Variants in DENND10 observed in about 807,000 individuals in gnomAD.
DENND10 encodes the protein DENN domain-containing protein 10.
In DENND10, 24 loss-of-function variants were observed where a neutral mutation model predicts 43.6. That is an observed-to-expected ratio of 0.55 (90% CI 0.40 to 0.77). The LOEUF (loss-of-function observed/expected upper bound fraction) is 0.77. Ranked by LOEUF, DENND10 falls within the 30% of genes least tolerant of loss-of-function variation. The pLI is 0.00. For missense variants in DENND10, 303 were observed against 429.9 expected (o/e 0.70, Z 2.61); for synonymous variants, 125 against 157.6 (o/e 0.79, Z 1.55).
chr10:119,135,814 A>AAAAAAAAAAAC (rs1846322519), intron 8 of DENND10, among the ~76,000 whole-genome samples: 1 of 150,154 alleles, frequency 6.7e-6, no homozygotes, highest in African/African-American at 2.4e-5. Context: ...AAAAAAAAAA[A>AAAAAAAAAAAC]AACCAAAACC....
At chr10:119,120,200 A>G (rs986093590) in intron 4 of DENND10, 141 bp from the exon 5 acceptor site, 10 of 534,960 alleles carry the variant, frequency 1.9e-5, no homozygotes, top group East Asian at 7.0e-5. Context: ...GTGAGCAACT[A>G]TCTTGCCACT....
chr10:119,130,392 T>C (rs1310474432), intron 7 of DENND10, among the ~76,000 whole-genome samples: 1 of 152,174 alleles, frequency 6.6e-6, no homozygotes, highest in Non-Finnish European at 1.5e-5. Flanking sequence ...ACTCCTGACT[T>C]CATGATCTGC....
chr10:119,117,331 C>T (rs995185342), intron 3 of DENND10, among the ~76,000 whole-genome samples, 188 bp from the exon 4 acceptor site: 11 of 151,862 alleles, frequency 7.2e-5, no homozygotes, highest in African/African-American at 2.7e-4. Context: ...AAGATTGCAC[C>T]GTTGCACTCC....
intron 5 of DENND10, 53 bp from the exon 6 acceptor site, chr10:119,123,414 TGA>T: frequency 7.7e-7 from 1 of 1,292,794 alleles, no homozygotes; most frequent in Non-Finnish European, 1.1e-6. Flanking sequence ...GGGGGCAGGC[TGA>T]GTCTTTAAGG....
At chr10:119,117,486 A>C in intron 3 of DENND10, 33 bp from the exon 4 acceptor site, 1 of 1,603,794 alleles carries the variant, frequency 6.2e-7, no homozygotes, top group South Asian at 1.1e-5. Flanking sequence ...GTGCCAAATG[A>C]AATCACAGTT....
intron 5 of DENND10, 76 bp from the exon 6 acceptor site, chr10:119,123,393 G>T: frequency 2.9e-6 from 3 of 1,047,794 alleles, no homozygotes; most frequent in South Asian, 2.6e-5. Context: ...TCCTTCTCAG[G>T]AAGAGGAGAA....
chr10:119,119,333 G>T (rs968610341), intron 4 of DENND10, among the ~76,000 whole-genome samples: 8 of 152,002 alleles, frequency 5.3e-5, no homozygotes, highest in African/African-American at 1.4e-4. Flanking sequence ...GTAGAGATGG[G>T]GTTTCACCAT....
chr10:119,135,130 A>G (rs1264735173), intron 8 of DENND10: 2 of 149,598 alleles, frequency 1.3e-5, no homozygotes, highest in African/African-American at 4.9e-5. Context: ...GTGCCATTGC[A>G]CTCCAGCCTG....
In DENND10 at chr10:119,107,812, A is replaced by C. The variant is rs112023335; in HGVS notation, c.56-156A>C. 35 of 678,796 alleles carry C rather than the reference A, an allele frequency of 5.2e-5. 2 individuals are homozygous for C. The African/African-American group carries it at 6.1e-4, about 12-fold the overall frequency. The allele number at this position is 678,796 out of a possible 1,614,324, so 42.0% of individuals were successfully genotyped here. A position where few individuals can be genotyped will look rare whatever the true frequency, so the allele number is the denominator to read the frequency against. On this transcript the variant is annotated intron_variant, in intron 1 of 8. Coordinates refer to ENST00000361432, the MANE Select transcript of DENND10 (RefSeq NM_207009.4). ...ATCATGACAGCTAGATAATTTGAGC[A>C]GTAGAGATAGGTGGGAATTTGGGGT...
chr10:119,126,282 T>C (rs1256668139), intron 6 of DENND10, among the ~76,000 whole-genome samples: 1 of 152,222 alleles, frequency 6.6e-6, no homozygotes, highest in Non-Finnish European at 1.5e-5. Context: ...TGGTATCTCT[T>C]TGATACACTG....
intron 6 of DENND10, among the ~76,000 whole-genome samples, chr10:119,126,427 A>G (rs1845835846): frequency 6.6e-6 from 1 of 152,146 alleles, no homozygotes; most frequent in Admixed American, 6.6e-5. Flanking sequence ...CCAACAGTGT[A>G]CGAGAGTTCT....
intron 2 of DENND10, among the ~76,000 whole-genome samples, chr10:119,111,361 A>G (rs1273582053): frequency 6.6e-6 from 1 of 151,742 alleles, no homozygotes; most frequent in African/African-American, 2.4e-5. Context: ...CTGTAATCCC[A>G]GCTACTTAAG....
intron 6 of DENND10, among the ~76,000 whole-genome samples, chr10:119,125,208 G>A (rs535349384): frequency 2.8e-4 from 42 of 151,980 alleles, no homozygotes; most frequent in Non-Finnish European, 5.1e-4. Flanking sequence ...CTTACCTTAG[G>A]TGATCCACCC....
At chr10:119,104,518 G>A (rs1844588613) in intron 1 of DENND10, among the ~76,000 whole-genome samples, 2 of 150,308 alleles carry the variant, frequency 1.3e-5, no homozygotes, top group South Asian at 4.1e-4. Flanking sequence ...GACGTCGAGC[G>A]CTCCCAGGCT....
intron 6 of DENND10, 122 bp from the exon 7 acceptor site, chr10:119,129,393 A>G (rs1198052274): frequency 1.5e-6 from 1 of 664,114 alleles, no homozygotes; most frequent in Non-Finnish European, 2.7e-6. Context: ...GGGTACAGCT[A>G]ATGTTCCCGA....
chr10:119,130,267 T>G (rs1454667953), intron 7 of DENND10, among the ~76,000 whole-genome samples: 1 of 152,148 alleles, frequency 6.6e-6, no homozygotes, highest in Non-Finnish European at 1.5e-5. Flanking sequence ...TTCAAGTGAT[T>G]CTCCTGCCTC....
chr10:119,126,944 G>A (rs1257650659), intron 6 of DENND10, among the ~76,000 whole-genome samples: 2 of 150,354 alleles, frequency 1.3e-5, no homozygotes, highest in Non-Finnish European at 3.0e-5. Context: ...TGTCGCCCAG[G>A]CTGGAGTGCA....
Position 119,107,969 on chromosome 10 carries a change from A to G in DENND10, c.57A>G (p.Glu19=). 1 of 1,613,994 alleles carries G rather than the reference A, an allele frequency of 6.2e-7. No individual in the cohort carries two copies. The highest frequency in any genetic ancestry group is 8.5e-7 in the Non-Finnish European group (1 of 1,179,846). Residue 19 remains glutamate (E), a splice_region_variant and synonymous_variant, in exon 2 of 9, where the codon GAA becomes GAG. Transcript: ENST00000361432. ...ACAGTGACCATCTTTCCACCGTAGA[A>G]AAGGACACAAATGGAGAAGTTCTGT... ...TQLMLGVGLI[E]KDTNGEVLWV...
intron 7 of DENND10, among the ~76,000 whole-genome samples, chr10:119,129,866 T>G (rs1427414132): frequency 1.3e-5 from 2 of 152,254 alleles, no homozygotes; most frequent in South Asian, 2.1e-4. Flanking sequence ...TTTCACTACT[T>G]TTGTGTTTAA....
Sources: allele counts gnomAD v4.1 joint callset (sites outside exome capture counted in the v4.1 genomes callset), GRCh38; gene constraint gnomAD v4.1.1; transcripts MANE v1.5; gene names NCBI Gene and HGNC (gene_info 2026-07-23, HGNC 2026-07-21).